Variants in ELFN1 observed in about 807,000 individuals in gnomAD.
ELFN1 encodes protein ELFN1.
Under a neutral mutation model 7.6 loss-of-function variants are expected in ELFN1, and 6 were observed. The ratio of observed to expected loss-of-function variants is 0.79; its 90% CI spans 0.43 to 1.56. The LOEUF is 1.56. Among genes scored for constraint, ELFN1 ranks in the 40% most tolerant of loss-of-function variants. The pLI, the probability that ELFN1 is intolerant of heterozygous loss-of-function variation, is 0.01. For missense variants in ELFN1, 1,169 were observed against 1,232.2 expected, an observed-to-expected ratio of 0.95 and a Z score of 0.77; for synonymous variants, 657 against 588.1, an observed-to-expected ratio of 1.12 and a Z score of -1.70.
At chr7:1,683,273 G>A (rs575194249) in intron 1 of ELFN1, among the ~76,000 whole-genome samples, 4 of 151,930 alleles carry the variant, frequency 2.6e-5, no homozygotes, top group African/African-American at 4.8e-5. Context: ...GCTTTTCTTC[G>A]TGGGAAGATT....
At position 1,707,006 on chromosome 7, in the gene ELFN1, AAC is replaced by A. The variant is rs368868333; in HGVS notation, c.-455-2080_-455-2079del. Reference sequence around the variant, plus strand: ...TTCATGTGCATGTGTACACATGTGCAACACACGTACACGTGTACACATGTGTG... The same window carrying A: ...TTCATGTGCATGTGTACACATGTGCAACACGTACACGTGTACACATGTGTG... On this transcript the variant is annotated intron_variant, in intron 2 of 3. Transcript: ENST00000424383. Among the ~76,000 whole-genome samples the A allele has an allele frequency of 5.3e-3, 812 of 152,224 alleles. 5 individuals carry two copies. Among genetic ancestry groups the A allele is most frequent in the Non-Finnish European group, 8.4e-3 (569 of 68,030 alleles).
At chr7:1,686,563 T>C (rs1779065862) in intron 1 of ELFN1, among the ~76,000 whole-genome samples, 1 of 151,942 alleles carries the variant, frequency 6.6e-6, no homozygotes, top group African/African-American at 2.4e-5. Flanking sequence ...GGTCAGTCAG[T>C]GATTGGTTTG....
At chr7:1,671,665 C>T (rs1778770085) in intron 1 of ELFN1, among the ~76,000 whole-genome samples, 1 of 152,274 alleles carries the variant, frequency 6.6e-6, no homozygotes, top group Non-Finnish European at 1.5e-5. Flanking sequence ...GCATAGGTTG[C>T]TTGAAAAGCA....
At chr7:1,701,927 GT>G in intron 2 of ELFN1, among the ~76,000 whole-genome samples, 1 of 152,018 alleles carries the variant, frequency 6.6e-6, no homozygotes, top group African/African-American at 2.4e-5. Flanking sequence ...GACTTTATAC[GT>G]GATGGGAAGC....
In ELFN1 at chr7:1,673,488, C is replaced by G. The variant is rs989061258; in HGVS notation, c.-549+3134C>G. Among the ~76,000 whole-genome samples, 1 of 152,196 alleles carries G rather than the reference C, an allele frequency of 6.6e-6. No homozygotes were observed. The highest frequency in any genetic ancestry group is 6.5e-5 in the Admixed American group (1 of 15,292). ...CACTCGAGCCCAGCACCGTGCCCCCCCTCCCCGCCCCCTGCCCCGGATGTC... is the reference window on the plus strand; with the variant it reads ...CACTCGAGCCCAGCACCGTGCCCCCGCTCCCCGCCCCCTGCCCCGGATGTC... On this transcript the variant is annotated intron_variant, in intron 1 of 3. Transcript: ENST00000424383. The surrounding 1 kb of genome is among the most constrained non-coding windows in gnomAD (Gnocchi z 4.7).
intron 3 of ELFN1, among the ~76,000 whole-genome samples, chr7:1,737,284 C>A (rs1013042129): frequency 6.6e-6 from 1 of 152,104 alleles, no homozygotes; most frequent in Non-Finnish European, 1.5e-5. Context: ...GTAAGTCCTT[C>A]AGGGGCCCCG....
intron 1 of ELFN1, among the ~76,000 whole-genome samples, chr7:1,671,126 T>C (rs1213967191): frequency 6.7e-6 from 1 of 149,848 alleles, no homozygotes; most frequent in Admixed American, 6.6e-5. Flanking sequence ...ACCTGCTTGA[T>C]GCTGAGGGTG....
At chr7:1,679,275 G>A (rs1395056806) in intron 1 of ELFN1, among the ~76,000 whole-genome samples, 1 of 152,174 alleles carries the variant, frequency 6.6e-6, no homozygotes, top group African/African-American at 2.4e-5. Flanking sequence ...GACCAGGGCT[G>A]GGCGGGAGGG....
upstream of ELFN1, among the ~76,000 whole-genome samples, chr7:1,668,533 C>G (rs1270514588): frequency 6.6e-6 from 1 of 152,222 alleles, no homozygotes; most frequent in African/African-American, 2.4e-5. Flanking sequence ...ACAAGGCTGG[C>G]CAGGCCAGAA....
Position 1,747,316 on chromosome 7 carries a change from A to G in ELFN1, c.*233A>G, listed in dbSNP as rs570881196. 1.1e-4 allele frequency: 29 copies of G among 272,966 alleles called. No homozygotes were observed. The highest frequency in any genetic ancestry group is 1.9e-4 in the Non-Finnish European group (28 of 147,760). 16.9% of individuals were successfully genotyped at this position (272,966 alleles called of 1,614,324 possible). Reference sequence around the variant, plus strand: ...GTGGCACGTGTCCACACACACACACACACACACACACACACACACGAGGGA... The same window carrying G: ...GTGGCACGTGTCCACACACACACACGCACACACACACACACACACGAGGGA... On this transcript the variant is annotated 3_prime_UTR_variant, in exon 4 of 4. Transcript: ENST00000424383.
At chr7:1,710,014 G>A (rs77410758) in intron 3 of ELFN1, among the ~76,000 whole-genome samples, 7 of 152,322 alleles carry the variant, frequency 4.6e-5, no homozygotes, top group Admixed American at 2.6e-4. Context: ...GTCCTGTTCC[G>A]TAGTTTCTTT....
At chr7:1,712,321 C>A (rs1779681521) in intron 3 of ELFN1, among the ~76,000 whole-genome samples, 1 of 152,054 alleles carries the variant, frequency 6.6e-6, no homozygotes. Flanking sequence ...GGGGTTTCAC[C>A]CCGTTAGCCA....
rs973697068 is a variant in ELFN1 at position 1,746,574 on chromosome 7, C to T, written c.1978C>T (p.His660Tyr). Reference protein sequence around the residue: ...RAFRAEAVGVHKAAAAEAKYI... With the variant: ...RAFRAEAVGVYKAAAAEAKYI... ...CTTCCGAGCCGAGGCCGTCGGGGTG[C>T]ACAAGGCCGCGGCCGCCGAGGCCAA... The change falls in exon 4 of 4, where the codon CAC becomes TAC. Residue 660 changes from histidine to tyrosine, a missense_variant. This residue lies in a region of ELFN1 where 914 missense variants were observed against 872.6 expected (regional missense o/e 1.05). Transcript: ENST00000424383. The T allele has an allele frequency of 3.1e-5, 42 of 1,350,292 alleles. 1 individual carries two copies. Among genetic ancestry groups the T allele is most frequent in the South Asian group, 5.2e-5 (3 of 58,140 alleles). 83.6% of individuals were successfully genotyped at this position (1,350,292 alleles called of 1,614,324 possible).
At position 1,695,775 on chromosome 7, in the gene ELFN1, G is replaced by A. The variant is rs778833481; in HGVS notation, c.-456+7625G>A. Among the ~76,000 whole-genome samples, 22 of 134,524 alleles carry A rather than the reference G, an allele frequency of 1.6e-4. No homozygotes were observed. In the East Asian group the frequency reaches 2.7e-3, roughly 17 times the overall value. 88.3% of individuals were successfully genotyped at this position (134,524 alleles called of 152,430 possible). On this transcript the variant is annotated intron_variant, in intron 2 of 3. Transcript: ENST00000424383. The surrounding 1 kb of genome is among the most constrained non-coding windows in gnomAD (Gnocchi z 5.1). ...AAAAAAAAAAAAAAAAAAAAAAACC[G>A]TGCTGGTTTGGTTTCACTGACTCCC... is the stretch of plus-strand genomic sequence containing the variant.
intron 1 of ELFN1, among the ~76,000 whole-genome samples, chr7:1,672,562 T>C (rs924868590): frequency 6.2e-4 from 94 of 152,268 alleles, no homozygotes; most frequent in African/African-American, 1.8e-3. Context: ...GTGCCTGAGA[T>C]CAATGGGGTA....
chr7:1,712,817 C>CA (rs1392462967), intron 3 of ELFN1, among the ~76,000 whole-genome samples: 1 of 152,216 alleles, frequency 6.6e-6, no homozygotes, highest in Non-Finnish European at 1.5e-5. Flanking sequence ...CTACCTCTGG[C>CA]GTCCCTCTTT....
chr7:1,724,412 C>T (rs990558999), intron 3 of ELFN1, among the ~76,000 whole-genome samples: 22 of 152,184 alleles, frequency 1.4e-4, no homozygotes, highest in East Asian at 7.7e-4. Flanking sequence ...AGGTGCCGTG[C>T]GGCCCCACCT....
chr7:1,685,375 A>G (rs577869284), intron 1 of ELFN1, among the ~76,000 whole-genome samples: 1 of 152,262 alleles, frequency 6.6e-6, no homozygotes, highest in African/African-American at 2.4e-5. Context: ...ATTTTCAGCT[A>G]TTATTTCTTC....
rs763339339 is a variant in ELFN1, at chr7:1,747,100, G to A, written c.*17G>A. 3.4e-6 allele frequency: 5 copies of A among 1,456,926 alleles called. No homozygotes were observed. In the African/African-American group the frequency reaches 4.3e-5, roughly 13 times the overall value. The allele number at this position is 1,456,926 out of a possible 1,614,324, so 90.2% of individuals were successfully genotyped here. A position where few individuals can be genotyped will look rare whatever the true frequency, so the allele number is the denominator to read the frequency against. ...AAGTCCTGAGCCCCCCAAGACCGGC[G>A]ATGCCCACTGGACCAAAAAGGATGC... On this transcript the variant is annotated 3_prime_UTR_variant, in exon 4 of 4. Coordinates refer to ENST00000424383, the MANE Select transcript of ELFN1 (RefSeq NM_001128636.4).
Sources: allele counts gnomAD v4.1 joint callset (sites outside exome capture counted in the v4.1 genomes callset), GRCh38; gene constraint gnomAD v4.1.1; regional missense constraint gnomAD v4.1.1; non-coding constraint Gnocchi (gnomAD v3.1); transcripts MANE v1.5; gene names NCBI Gene and HGNC (gene_info 2026-07-23, HGNC 2026-07-21).